The following SLIT3 variants were observed in gnomAD, a reference collection of about 807,000 sequenced individuals.
SLIT3 encodes the protein slit homolog 3 protein.
A neutral mutation model predicts 184.0 loss-of-function variants in SLIT3; 68 were observed. The ratio of observed to expected loss-of-function variants is 0.37; its 90% confidence interval spans 0.30 to 0.45. SLIT3 has a LOEUF of 0.45. Among genes scored for constraint, SLIT3 ranks in the 20% least tolerant of loss-of-function variants. SLIT3 has a pLI of 1.00. For missense variants in SLIT3, 1,707 were observed against 2,026.0 expected (o/e 0.84, Z 3.02); for synonymous variants, 831 against 828.6 (o/e 1.00, Z -0.05).
intron 4 of SLIT3, among the ~76,000 whole-genome samples, chr5:168,964,924 T>C (rs909870401): frequency 6.6e-6 from 1 of 152,226 alleles, no homozygotes; most frequent in Non-Finnish European, 1.5e-5. Context: ...GTATGGTTGA[T>C]GTGTCCAAAA....
At chr5:169,278,984 C>T (rs928057375) in intron 1 of SLIT3, among the ~76,000 whole-genome samples, 4 of 152,052 alleles carry the variant, frequency 2.6e-5, no homozygotes, top group African/African-American at 7.2e-5. Flanking sequence ...CATGAGGACC[C>T]GGGAGAAAAT....
rs529011573 is a variant in SLIT3, at chr5:169,035,951, C to CCTAATTTTCT, written c.414-152616_414-152615insAGAAAATTAG. 2.2e-4 allele frequency among the ~76,000 whole-genome samples: 34 copies of CCTAATTTTCT among 152,238 alleles called. No homozygotes were observed. The East Asian group carries it at 5.6e-3, about 25-fold the overall frequency. Reference sequence around the variant, plus strand: ...GAGCCTTTTTATTAGACTTCTTTCCCCATCCCTAATTTTACAGACGAGCAC... The same window carrying CCTAATTTTCT: ...GAGCCTTTTTATTAGACTTCTTTCCCCTAATTTTCTCATCCCTAATTTTACAGACGAGCAC... On this transcript the variant is annotated intron_variant, in intron 4 of 35. Coordinates refer to ENST00000519560, the MANE Select transcript of SLIT3 (RefSeq NM_003062.4).
chr5:169,243,538 G>A (rs892094747), intron 3 of SLIT3, among the ~76,000 whole-genome samples: 1 of 152,254 alleles, frequency 6.6e-6, no homozygotes, highest in African/African-American at 2.4e-5. Context: ...TAAATGAGAC[G>A]GTTCACACAA....
intron 4 of SLIT3, among the ~76,000 whole-genome samples, chr5:169,134,459 C>T (rs1283601893): frequency 4.6e-5 from 7 of 152,190 alleles, no homozygotes; most frequent in Non-Finnish European, 1.0e-4. Flanking sequence ...TCTGTCCTCC[C>T]TTTCTCCCAC....
chr5:168,780,666 CTACAGGA>C lies in SLIT3; in HGVS notation c.1151+5234_1151+5240del, dbSNP rs796667166. Among the ~76,000 whole-genome samples, 17 of 152,346 alleles carry C rather than the reference CTACAGGA, an allele frequency of 1.1e-4. 1 individual carries two copies. The highest frequency in any genetic ancestry group is 4.1e-4 in the African/African-American group (17 of 41,578). On this transcript the variant is annotated intron_variant, in intron 12 of 35. Transcript: ENST00000519560. ...GAGCTATTCTGTACCCCTAATTAAG[CTACAGGA>C]TATAGAGCCAAACCTTCCGCATTAA...
chr5:169,252,099 T>C (rs1363093602), intron 1 of SLIT3, among the ~76,000 whole-genome samples: 2 of 152,194 alleles, frequency 1.3e-5, no homozygotes, highest in Non-Finnish European at 2.9e-5. Context: ...TTTCTATCAC[T>C]TGAAATCAAA....
At chr5:168,922,362 C>G (rs1197553201) in intron 4 of SLIT3, among the ~76,000 whole-genome samples, 2 of 147,180 alleles carry the variant, frequency 1.4e-5, no homozygotes, top group Admixed American at 7.1e-5. Flanking sequence ...GAGGCTGAGG[C>G]AGGAGAATGG....
chr5:168,739,213 C>T lies in SLIT3; in HGVS notation c.2270+9089G>A, dbSNP rs1026084629. 6.6e-5 allele frequency among the ~76,000 whole-genome samples: 10 copies of T among 152,198 alleles called. No individual in the cohort carries two copies. In the South Asian group the frequency reaches 1.9e-3, roughly 28 times the overall value. Reference sequence around the variant, plus strand: ...TGACCAACACATGATATTACAAGATCGTGCATGGGGAAAGTTCCATTCAAA... The same window carrying T: ...TGACCAACACATGATATTACAAGATTGTGCATGGGGAAAGTTCCATTCAAA... On this transcript the variant is annotated intron_variant, in intron 20 of 35. Transcript: ENST00000519560.
At chr5:168,674,508 T>TC (rs1339903040) in intron 32 of SLIT3, among the ~76,000 whole-genome samples, 1 of 150,536 alleles carries the variant, frequency 6.6e-6, no homozygotes, top group Non-Finnish European at 1.5e-5. Context: ...TTTTTTTTTT[T>TC]TGAGATGGAG....
chr5:169,052,927 G>A (rs921127673), intron 4 of SLIT3, among the ~76,000 whole-genome samples: 7 of 147,370 alleles, frequency 4.7e-5, no homozygotes, highest in African/African-American at 7.4e-5. Flanking sequence ...GAGAACCACC[G>A]CCTCCAGGTA....
At chr5:168,670,497 C>A (rs1241663906) in intron 34 of SLIT3, among the ~76,000 whole-genome samples, 1 of 152,080 alleles carries the variant, frequency 6.6e-6, no homozygotes, top group Non-Finnish European at 1.5e-5. Context: ...AAGGTAAAGC[C>A]TATATTCTGA....
intron 4 of SLIT3, among the ~76,000 whole-genome samples, chr5:168,911,748 T>G (rs1761260773): frequency 6.6e-6 from 1 of 152,232 alleles, no homozygotes; most frequent in South Asian, 2.1e-4. Flanking sequence ...AGTCTGAGTC[T>G]CATCATGTGT....
intron 4 of SLIT3, among the ~76,000 whole-genome samples, chr5:169,174,566 C>G (rs1008870657): frequency 6.6e-6 from 1 of 152,184 alleles, no homozygotes; most frequent in African/African-American, 2.4e-5. Context: ...TGGGATACCA[C>G]TAATACCCTC....
At position 168,868,404 on chromosome 5, in the gene SLIT3, C is replaced by T. The variant is rs1759384676; in HGVS notation, c.485+14861G>A. Among the ~76,000 whole-genome samples, 3 of 152,184 alleles carry T rather than the reference C, an allele frequency of 2.0e-5. No homozygotes were observed. The South Asian group carries it at 6.2e-4, about 32-fold the overall frequency. On this transcript the variant is annotated intron_variant, in intron 5 of 35. Coordinates refer to ENST00000519560, the MANE Select transcript of SLIT3 (RefSeq NM_003062.4). ...CTCCTGGGTTCAAGCAATTCTCCCA[C>T]TTTAGTCTCCCTAGCAGCTGGAACT...
At chr5:168,797,158 G>A (rs1756591567) in intron 9 of SLIT3, among the ~76,000 whole-genome samples, 1 of 152,160 alleles carries the variant, frequency 6.6e-6, no homozygotes, top group Admixed American at 6.5e-5. Flanking sequence ...GAGACTGTGG[G>A]CTACTGGATA....
At chr5:169,224,692 ATTCT>A (rs963733566) in intron 3 of SLIT3, among the ~76,000 whole-genome samples, 6 of 151,150 alleles carry the variant, frequency 4.0e-5, no homozygotes, top group African/African-American at 9.7e-5. Flanking sequence ...AATTATTATT[ATTCT>A]TTCTTTATTG....
At chr5:169,033,810 ATTT>A (rs568929106) in intron 4 of SLIT3, among the ~76,000 whole-genome samples, 2 of 116,130 alleles carry the variant, frequency 1.7e-5, no homozygotes, top group African/African-American at 3.3e-5. Context: ...CTATTGTATG[ATTT>A]TTTTTTTTTT....
chr5:169,108,526 C>G (rs1760298758), intron 4 of SLIT3, among the ~76,000 whole-genome samples: 1 of 152,114 alleles, frequency 6.6e-6, no homozygotes, highest in Admixed American at 6.5e-5. Flanking sequence ...GAGATTGGCT[C>G]AATTGTTGTA....
chr5:168,895,514 C>G (rs555939487), intron 4 of SLIT3, among the ~76,000 whole-genome samples: 1 of 152,288 alleles, frequency 6.6e-6, no homozygotes, highest in East Asian at 1.9e-4. Flanking sequence ...CAGAAAAGCT[C>G]AAAATTATCT....
Sources: gnomAD v4.1 joint callset for allele counts (sites outside exome capture counted in the v4.1 genomes callset) on GRCh38, gnomAD v4.1.1 for gene constraint, MANE v1.5 for transcripts, NCBI Gene and HGNC (gene_info 2026-07-23, HGNC 2026-07-21) for gene names.